APC2: variants seen among roughly 807,000 people sequenced by gnomAD.
APC2 encodes adenomatous polyposis coli protein 2.
In APC2, 41 loss-of-function variants were observed where a neutral mutation model predicts 72.5. The observed-to-expected ratio is 0.57, with a 90% CI of 0.44 to 0.73. APC2 has a LOEUF of 0.73. Among genes scored for constraint, APC2 ranks in the 30% least tolerant of loss-of-function variants. APC2 has a pLI of 0.00. For missense variants in APC2, 3,729 were observed against 3,403.4 expected (o/e 1.10, Z -2.38); for synonymous variants, 1,898 against 1,612.0 (o/e 1.18, Z -4.25).
chr19:1,465,311 C>T lies in APC2; in HGVS notation c.2010C>T (p.Gly670=). The stretch of plus-strand genomic sequence containing the variant: ...TGCTGTGGGACCTGGGCGCCGTGGG[C>T]ATGCTGCGTAATCTGGTGCACTCCA... The part of the protein sequence containing the change: ...QELLWDLGAV[G]MLRNLVHSKH... The change falls in exon 15 of 15, where the codon GGC becomes GGT. Residue 670 remains glycine, a synonymous_variant. Coordinates refer to ENST00000590469, the MANE Select transcript of APC2 (RefSeq NM_005883.3). 6.3e-7 allele frequency: 1 copy of T among 1,597,186 alleles called. No individual in the cohort carries two copies. The highest frequency in any genetic ancestry group is 2.2e-5 in the East Asian group (1 of 44,754).
At chr19:1,453,696 CAT>C (rs2083776147) in intron 4 of APC2, 85 bp downstream of exon 4, 14 of 1,489,574 alleles carry the variant, frequency 9.4e-6, no homozygotes, top group Admixed American at 2.0e-5. Flanking sequence ...CGCCCACCCG[CAT>C]ATGTCTCTGC....
rs1253547647 is a variant in APC2, at chr19:1,462,118, G to C, written c.1794G>C (p.Glu598Asp). The stretch of plus-strand genomic sequence containing the variant: ...AGAGCAACTCGCTGGCCATCATCGA[G>C]AGCGGCGGCGGCATCCTCCGCAATG... ...KCQSNSLAII[E>D]SGGGILRNVS... Residue 598 changes from glutamate (E) to aspartate (D), a missense_variant, in exon 14 of 15, where the codon GAG (glutamate) becomes GAC (aspartate). Transcript: ENST00000590469. 1 of 1,612,670 alleles carries C rather than the reference G, an allele frequency of 6.2e-7. No homozygotes were observed. The highest frequency in any genetic ancestry group is 8.5e-7 in the Non-Finnish European group (1 of 1,179,956).
chr19:1,457,863 C>A (rs542589637), intron 9 of APC2, 102 bp from the exon 10 acceptor site: 2 of 1,000,670 alleles, frequency 2.0e-6, no homozygotes, highest in Admixed American at 2.2e-5. Context: ...GCAAAGCTCC[C>A]GGGATCCTTC....
At position 1,456,790 on chromosome 19, in the gene APC2, C is replaced by T. The variant is rs1278082543; in HGVS notation, c.817-63C>T. 28 of 1,537,294 alleles carry T rather than the reference C, an allele frequency of 1.8e-5. No individual in the cohort carries two copies. The African/African-American group carries it at 3.9e-4, about 21-fold the overall frequency. ...CGGGGCAGGGGTCACAGGGCTCCGA[C>T]CGGGTTTCCAGGTGTGCGGGGGGCA... On this transcript the variant is annotated intron_variant, in intron 8 of 14. Coordinates refer to ENST00000590469, the MANE Select transcript of APC2 (RefSeq NM_005883.3).
Position 1,461,056 on chromosome 19 carries a change from G to C in APC2, c.1541G>C (p.Arg514Pro). 6.2e-7 allele frequency: 1 copy of C among 1,613,916 alleles called. No homozygotes were observed. Among genetic ancestry groups the C allele is most frequent in the Non-Finnish European group, 8.5e-7 (1 of 1,180,016 alleles). Residue 514 changes from arginine to proline, a missense_variant, in exon 13 of 15, where the codon CGG (arginine) becomes CCG (proline). Physicochemically the swap from Arg to Pro is moderately radical, Grantham distance 103. Coordinates refer to ENST00000590469, the MANE Select transcript of APC2 (RefSeq NM_005883.3). ...ACCCAGGTGGTGTCCAGCATCCTTC[G>C]GAACTTGTCCTGGAGGGCCGACATC... ...ELHQVVSSIL[R>P]NLSWRADINS...
At chr19:1,464,632 C>CT (rs1010096440) in intron 14 of APC2, among the ~76,000 whole-genome samples, 10,642 of 123,648 alleles carry the variant, frequency 0.086, 815 homozygotes, top group African/African-American at 0.18. Flanking sequence ...CTGTTTTTTC[C>CT]TTTTTTTTTT....
upstream of APC2, among the ~76,000 whole-genome samples, chr19:1,446,696 G>A (rs1240130176): frequency 1.3e-5 from 2 of 152,010 alleles, no homozygotes; most frequent in Non-Finnish European, 2.9e-5. The surrounding 1 kb of genome is among the most constrained non-coding windows in gnomAD (Gnocchi z 6.1). Flanking sequence ...GGCGGCTGCG[G>A]GGGCATCCTG....
rs964106986 is a variant in APC2, at chr19:1,452,684, G to A, written c.-18-300G>A. 31 of 351,870 alleles carry A rather than the reference G, an allele frequency of 8.8e-5. No homozygotes were observed. The highest frequency in any genetic ancestry group is 5.0e-4 in the African/African-American group (24 of 48,020). The allele number at this position is 351,870 out of a possible 1,614,324, so 21.8% of individuals were successfully genotyped here. A position where few individuals can be genotyped will look rare whatever the true frequency, so the allele number is the denominator to read the frequency against. On this transcript the variant is annotated intron_variant, in intron 1 of 14. Coordinates refer to ENST00000590469, the MANE Select transcript of APC2 (RefSeq NM_005883.3). The surrounding 1 kb of genome is among the most constrained non-coding windows in gnomAD (Gnocchi z 5.1). Reference sequence around the variant, plus strand: ...TCCTGGGGGCTGGGAAGGAGAGGCCGACCCATCGTCTGTCGGTCGACTGGT... The same window carrying A: ...TCCTGGGGGCTGGGAAGGAGAGGCCAACCCATCGTCTGTCGGTCGACTGGT...
intron 10 of APC2, 35 bp from the exon 11 acceptor site, chr19:1,460,146 C>A (rs368184558): frequency 2.3e-5 from 37 of 1,611,950 alleles, no homozygotes; most frequent in Non-Finnish European, 2.9e-5. Flanking sequence ...GCAGGGTCAT[C>A]CCTGCCACCC....
Position 1,466,778 on chromosome 19 carries a change from G to T in APC2, c.3477G>T (p.Leu1159=). The part of the protein sequence containing the change: ...ENYVQETPLV[L]SRCSSVSSLG... ...ACGTGCAGGAGACACCGCTTGTGCT[G>T]AGCCGCTGCAGCTCTGTGAGCTCGC... Residue 1159 remains leucine (L), a synonymous_variant, in exon 15 of 15, where the codon CTG becomes CTT. Coordinates refer to ENST00000590469, the MANE Select transcript of APC2 (RefSeq NM_005883.3). The T allele has an allele frequency of 6.5e-7, 1 of 1,550,204 alleles. No homozygotes were observed.
rs1001164431 is a variant in APC2, at chr19:1,469,340, G to A, written c.6039G>A (p.Ser2013=). The change falls in exon 15 of 15, where the codon TCG becomes TCA. Residue 2013 remains serine (S), a synonymous_variant. Coordinates refer to ENST00000590469, the MANE Select transcript of APC2 (RefSeq NM_005883.3). The part of the protein sequence containing the change: ...GLRRRRSELS[S]AESAASAPQG... ...GGCGCCGCCGCTCCGAGCTGTCCTC[G>A]GCCGAGTCCGCGGCCTCTGCCCCCC... 6.6e-6 allele frequency: 9 copies of A among 1,365,090 alleles called. No individual in the cohort carries two copies. The highest frequency in any genetic ancestry group is 6.1e-5 in the African/African-American group (4 of 65,344). The allele number at this position is 1,365,090 out of a possible 1,614,324, so 84.6% of individuals were successfully genotyped here.
chr19:1,454,689 G>T (rs1280951977), intron 4 of APC2, among the ~76,000 whole-genome samples: 1 of 148,888 alleles, frequency 6.7e-6, no homozygotes, highest in Non-Finnish European at 1.5e-5. Context: ...TCAGCCTCCC[G>T]AGTAGCTGGG....
rs140139305 is a variant in APC2 at position 1,458,053 on chromosome 19, C to T, written c.1296C>T (p.Asn432=). Residue 432 remains asparagine, a synonymous_variant, in exon 10 of 15, where the codon AAC becomes AAT. Transcript: ENST00000590469. ...ATGAGGAGTACCGCCGTGCCATGAA[C>T]GAGCTAGGTGAGTGTCCCAGGTCCT... is the stretch of plus-strand genomic sequence containing the variant. ...SFDEEYRRAM[N]ELGGLQAVAE... is the part of the protein sequence containing the mutation. The T allele has an allele frequency of 7.7e-6, 12 of 1,561,258 alleles. No individual in the cohort carries two copies. Among genetic ancestry groups the T allele is most frequent in the African/African-American group, 1.4e-5 (1 of 74,062 alleles).
rs748178453 is a variant in APC2, at chr19:1,466,056, C to G, written c.2755C>G (p.His919Asp). The stretch of plus-strand genomic sequence containing the variant: ...CCCGCTGCTGCGGCTCAAGGCGGCC[C>G]ACGCCAGCCTCTCCAACGACAGCCT... ...AHPLLRLKAA[H>D]ASLSNDSLNS... is the part of the protein sequence containing the mutation. Residue 919 changes from histidine (H) to aspartate (D), a missense_variant, in exon 15 of 15, where the codon CAC becomes GAC. Physicochemically the swap from His to Asp is moderately conservative, Grantham distance 81 (BLOSUM62 -1). Transcript: ENST00000590469. 3 of 1,506,986 alleles carry G rather than the reference C, an allele frequency of 2.0e-6. No homozygotes were observed. The African/African-American group carries it at 4.3e-5, about 22-fold the overall frequency. The allele number at this position is 1,506,986 out of a possible 1,614,324, so 93.4% of individuals were successfully genotyped here. A position where few individuals can be genotyped will look rare whatever the true frequency, so the allele number is the denominator to read the frequency against.
At chr19:1,463,829 AAAT>A (rs1326448638) in intron 14 of APC2, among the ~76,000 whole-genome samples, 5 of 151,974 alleles carry the variant, frequency 3.3e-5, no homozygotes, top group Non-Finnish European at 5.9e-5. Context: ...TTATAAAAAT[AAAT>A]AATATTTTTA....
rs1238406552 is a variant in APC2, at chr19:1,453,483, C to T, written c.285C>T (p.Thr95=). The change falls in exon 4 of 15, where the codon ACC becomes ACT. Residue 95 remains threonine (T), a synonymous_variant. Transcript: ENST00000590469. ...SLYNLKFQPP[T]LGPEPAARTP... ...ACAACCTCAAGTTCCAGCCGCCCAC[C>T]CTGGGCCCGGAGCCTGCCGCCCGGA... The T allele has an allele frequency of 6.2e-7, 1 of 1,604,762 alleles. No homozygotes were observed. Among genetic ancestry groups the T allele is most frequent in the Non-Finnish European group, 8.5e-7 (1 of 1,174,402 alleles).
Position 1,467,489 on chromosome 19 carries a change from G to A in APC2, c.4188G>A (p.Thr1396=). Residue 1396 remains threonine, a synonymous_variant, in exon 15 of 15, where the codon ACG becomes ACA. Transcript: ENST00000590469. ...CCTGCACTGACTCCGCGGAGGGCAC[G>A]CCGGTCAACTTCTCTAGCGCCGCCT... ...DDSCTDSAEG[T]PVNFSSAASL... 3.4e-6 allele frequency: 5 copies of A among 1,456,478 alleles called. No individual in the cohort carries two copies. Among genetic ancestry groups the A allele is most frequent in the Non-Finnish European group, 4.5e-6 (5 of 1,106,192 alleles). 90.2% of individuals were successfully genotyped at this position (1,456,478 alleles called of 1,614,324 possible).
At chr19:1,464,593 C>A (rs1349592390) in intron 14 of APC2, among the ~76,000 whole-genome samples, 1 of 151,134 alleles carries the variant, frequency 6.6e-6, no homozygotes, top group African/African-American at 2.4e-5. Flanking sequence ...TCTAAGTATA[C>A]CCCAGATACC....
rs1464031061 is a variant in APC2, at chr19:1,467,483, G to A, written c.4182G>A (p.Glu1394=). The A allele has an allele frequency of 6.9e-6, 10 of 1,456,936 alleles. No homozygotes were observed. The highest frequency in any genetic ancestry group is 1.9e-4 in the Middle Eastern group (1 of 5,304). The allele number at this position is 1,456,936 out of a possible 1,614,324, so 90.3% of individuals were successfully genotyped here. A position where few individuals can be genotyped will look rare whatever the true frequency, so the allele number is the denominator to read the frequency against. ...QEDDSCTDSA[E]GTPVNFSSAA... ...ACGACTCCTGCACTGACTCCGCGGA[G>A]GGCACGCCGGTCAACTTCTCTAGCG... is the stretch of plus-strand genomic sequence containing the variant. Residue 1394 remains glutamate (E), a synonymous_variant, in exon 15 of 15, where the codon GAG becomes GAA. Coordinates refer to ENST00000590469, the MANE Select transcript of APC2 (RefSeq NM_005883.3).
Sources: gnomAD v4.1 joint callset for allele counts (sites outside exome capture counted in the v4.1 genomes callset) on GRCh38, gnomAD v4.1.1 for gene constraint, Gnocchi (gnomAD v3.1) non-coding constraint, MANE v1.5 for transcripts, NCBI Gene and HGNC (gene_info 2026-07-23, HGNC 2026-07-21) for gene names.